The following LTN1 variants were observed in gnomAD, a reference collection of about 807,000 sequenced individuals.
LTN1 encodes the protein listerin E3 ubiquitin protein ligase 1.
A neutral mutation model predicts 201.2 loss-of-function variants in LTN1; 88 were observed. The ratio of observed to expected loss-of-function variants is 0.44; its 90% CI spans 0.37 to 0.52. LTN1 has a LOEUF of 0.52. Among genes scored for constraint, LTN1 ranks in the 20% least tolerant of loss-of-function variants. The pLI, the probability that LTN1 is intolerant of heterozygous loss-of-function variation, is 0.00. For missense variants in LTN1, 1,752 were observed against 2,038.7 expected (o/e 0.86, Z 2.71); for synonymous variants, 645 against 713.5 (o/e 0.90, Z 1.53).
At chr21:28,992,034 T>C (rs1324253266) in intron 1 of LTN1, among the ~76,000 whole-genome samples, 2 of 152,150 alleles carry the variant, frequency 1.3e-5, no homozygotes. Context: ...AATACTTACG[T>C]CCTAGTGAAC....
intron 16 of LTN1, among the ~76,000 whole-genome samples, chr21:28,953,626 A>G (rs2084401440): frequency 2.6e-5 from 4 of 152,236 alleles, no homozygotes; most frequent in Admixed American, 2.6e-4. Flanking sequence ...GAATGTGACA[A>G]GAACCTAAGT....
Position 28,967,159 on chromosome 21 carries a change from T to G in LTN1, c.1332A>C (p.Ala444=), listed in dbSNP as rs768167093. The G allele has an allele frequency of 1.5e-5, 24 of 1,610,600 alleles. No individual in the cohort carries two copies. Among genetic ancestry groups the G allele is most frequent in the Non-Finnish European group, 2.0e-5 (24 of 1,178,954 alleles). ...VNDQLIPFID[A]VLKDPGLQHG... ...GTTGCAATCCTGGGTCTTTGAGAAC[T>G]GCATCAATAAAAGGGATCAACTGAA... The change falls in exon 10 of 30, where the codon GCA becomes GCC. Residue 444 remains alanine (A), a synonymous_variant. Coordinates refer to ENST00000361371, the MANE Select transcript of LTN1 (RefSeq NM_015565.3).
Position 28,986,016 on chromosome 21 carries a change from T to G in LTN1, c.345+123A>C. ...TCAAGTGTTAACAATTCAATCTGCATAACAATGCTGACATAACATTTAATA... is the reference window on the plus strand; with the variant it reads ...TCAAGTGTTAACAATTCAATCTGCAGAACAATGCTGACATAACATTTAATA... On this transcript the variant is annotated intron_variant, in intron 3 of 29. Transcript: ENST00000361371. The surrounding 1 kb of genome is among the most constrained non-coding windows in gnomAD (Gnocchi z 4.1). The G allele has an allele frequency of 1.6e-6, 1 of 633,102 alleles. No individual in the cohort carries two copies. Among genetic ancestry groups the G allele is most frequent in the Non-Finnish European group, 2.8e-6 (1 of 352,338 alleles). 39.2% of individuals were successfully genotyped at this position (633,102 alleles called of 1,614,324 possible).
intron 25 of LTN1, among the ~76,000 whole-genome samples, chr21:28,939,968 A>C (rs1256307070): frequency 6.6e-6 from 1 of 152,246 alleles, no homozygotes; most frequent in African/African-American, 2.4e-5. Context: ...ATACAAATGC[A>C]AAGATGCAAA....
At chr21:28,943,017 T>C (rs1423096282) in intron 24 of LTN1, among the ~76,000 whole-genome samples, 3 of 152,198 alleles carry the variant, frequency 2.0e-5, no homozygotes, top group Non-Finnish European at 2.9e-5. Flanking sequence ...ACAGCCACCA[T>C]ATGGCCAAAG....
At chr21:28,983,303 G>A (rs1413332087) in intron 4 of LTN1, among the ~76,000 whole-genome samples, 1 of 152,224 alleles carries the variant, frequency 6.6e-6, no homozygotes, top group African/African-American at 2.4e-5. Flanking sequence ...TAAAGCCTAT[G>A]AAGAGCCAAA....
At chr21:28,977,667 G>A (rs1164823388) in intron 6 of LTN1, among the ~76,000 whole-genome samples, 3 of 152,212 alleles carry the variant, frequency 2.0e-5, no homozygotes, top group South Asian at 2.1e-4. Flanking sequence ...AGGTTGCAGT[G>A]AGTTGAGATT....
rs761181930 is a variant in LTN1 at position 28,932,555 on chromosome 21, A to G, written c.4985T>C (p.Ile1662Thr). Residue 1662 changes from isoleucine to threonine, a missense_variant, in exon 28 of 30, where the codon ATA (isoleucine) becomes ACA (threonine). Ile to Thr is a moderately conservative substitution (Grantham distance 89). Coordinates refer to ENST00000361371, the MANE Select transcript of LTN1 (RefSeq NM_015565.3). ...LPSNYPLGSIIVESGKRVGVA... is the reference protein window; with the variant it reads ...LPSNYPLGSITVESGKRVGVA... ...TCCTACTCTTTTCCCACTTTCTACT[A>G]TTATTGAACCCAGTGGATAATTTGA... 5 of 1,613,914 alleles carry G rather than the reference A, an allele frequency of 3.1e-6. No homozygotes were observed. In the Admixed American group the frequency reaches 5.0e-5, roughly 16 times the overall value.
Position 28,953,466 on chromosome 21 carries a change from T to G in LTN1, c.3080-90A>C. ...ACTTCTCCACCTTGTTTTCTAACAC[T>G]GTTGTGCCCACTCATCTCAAAACTC... On this transcript the variant is annotated intron_variant, in intron 16 of 29. Coordinates refer to ENST00000361371, the MANE Select transcript of LTN1 (RefSeq NM_015565.3). 7.7e-6 allele frequency: 7 copies of G among 913,276 alleles called. No individual in the cohort carries two copies. The South Asian group carries it at 1.3e-4, about 18-fold the overall frequency. The allele number at this position is 913,276 out of a possible 1,614,324, so 56.6% of individuals were successfully genotyped here.
chr21:28,966,772 A>C lies in LTN1; in HGVS notation c.1719T>G (p.Ser573=). ...IEGWELTTEP[S]LTHNSSGLLS... ...AAAGGCCTGAAGAATTATGAGTGAGAGAAGGTTCAGTTGTTAATTCCCAGC... is the reference window on the plus strand; with the variant it reads ...AAAGGCCTGAAGAATTATGAGTGAGCGAAGGTTCAGTTGTTAATTCCCAGC... The change falls in exon 10 of 30, where the codon TCT becomes TCG. Residue 573 remains serine (S), a synonymous_variant. Transcript: ENST00000361371. 1 of 1,613,954 alleles carries C rather than the reference A, an allele frequency of 6.2e-7. No homozygotes were observed. The highest frequency in any genetic ancestry group is 1.1e-5 in the South Asian group (1 of 91,000).
chr21:28,963,150 A>G (rs1003037956), intron 11 of LTN1, among the ~76,000 whole-genome samples: 1 of 152,252 alleles, frequency 6.6e-6, no homozygotes, highest in Admixed American at 6.5e-5. Context: ...AGATCTAGCT[A>G]AGATCAATAA....
Position 28,930,107 on chromosome 21 carries a change from A to T in LTN1, c.*341T>A, listed in dbSNP as rs8132585. On this transcript the variant is annotated 3_prime_UTR_variant, in exon 30 of 30. Transcript: ENST00000361371. ...ATCAACAAACGGAATGGGTTTATCA[A>T]TAATATAGTTGTGCAATCTTTTCAC... 4,395 of 186,966 alleles carry T rather than the reference A, an allele frequency of 0.024. 211 individuals are homozygous for T. The highest frequency in any genetic ancestry group is 0.097 in the African/African-American group (4,141 of 42,664). The allele number at this position is 186,966 out of a possible 1,614,324, so 11.6% of individuals were successfully genotyped here. A position where few individuals can be genotyped will look rare whatever the true frequency, so the allele number is the denominator to read the frequency against.
At chr21:28,982,877 G>C (rs1312080755) in intron 4 of LTN1, among the ~76,000 whole-genome samples, 1 of 152,210 alleles carries the variant, frequency 6.6e-6, no homozygotes, top group Non-Finnish European at 1.5e-5. Flanking sequence ...TTGAGCTTTT[G>C]CATGTGCCAG....
chr21:28,987,327 T>C (rs959167248), intron 1 of LTN1, among the ~76,000 whole-genome samples: 4 of 152,258 alleles, frequency 2.6e-5, no homozygotes, highest in Admixed American at 1.3e-4. Flanking sequence ...AACTTTCATA[T>C]AAATAGTATG....
At chr21:28,985,698 T>C (rs2084692936) in intron 3 of LTN1, among the ~76,000 whole-genome samples, 1 of 151,450 alleles carries the variant, frequency 6.6e-6, no homozygotes, top group Non-Finnish European at 1.5e-5. Flanking sequence ...CTTGTTCTAT[T>C]GTCCAGGCTG....
Position 28,952,166 on chromosome 21 carries a change from T to C in LTN1, c.3338A>G (p.Lys1113Arg), listed in dbSNP as rs2084387804. The C allele has an allele frequency of 6.3e-7, 1 of 1,580,844 alleles. No homozygotes were observed. ...SDEVKPHYKR[K>R]ESFFPLTEGN... ...ACATTTTAAATAAGAATACCTTTCT[T>C]TTCTCTTATAATGTGGTTTTACTTC... Residue 1113 changes from lysine to arginine, a missense_variant, in exon 18 of 30, where the codon AAA becomes AGA. By Grantham distance (26) the Lys-to-Arg change is conservative. Around this residue, in one of 3 missense-constraint regions of LTN1, gnomAD observed 1,211 missense variants for 1,312.8 expected, o/e 0.92. Coordinates refer to ENST00000361371, the MANE Select transcript of LTN1 (RefSeq NM_015565.3).
Position 28,932,479 on chromosome 21 carries a change from G to A in LTN1, c.5061C>T (p.Leu1687=). The A allele has an allele frequency of 1.2e-6, 2 of 1,612,528 alleles. No individual in the cohort carries two copies. Among genetic ancestry groups the A allele is most frequent in the African/African-American group, 2.7e-5 (2 of 75,004 alleles). Residue 1687 remains leucine (L), a synonymous_variant, in exon 28 of 30, where the codon CTC becomes CTT. Transcript: ENST00000361371. ...RNWMLQLSTY[L]THQNGSIMEG... ...GTAAACAGAAACTTACCTGATGGGT[G>A]AGGTAAGTGCTTAACTGCAGCATCC... is the stretch of plus-strand genomic sequence containing the variant.
chr21:28,992,704 G>A (rs538699433), intron 1 of LTN1, 60 bp downstream of exon 1: 2 of 1,597,436 alleles, frequency 1.3e-6, no homozygotes, highest in African/African-American at 2.7e-5. Context: ...GCAACGCGCT[G>A]GGCGGAGCCA....
rs779243913 is a variant in LTN1 at position 28,969,451 on chromosome 21, T to A, written c.1311+15A>T. 2.5e-6 allele frequency: 4 copies of A among 1,600,274 alleles called. No homozygotes were observed. In the South Asian group the frequency reaches 4.5e-5, roughly 18 times the overall value. On this transcript the variant is annotated intron_variant, in intron 9 of 29. Coordinates refer to ENST00000361371, the MANE Select transcript of LTN1 (RefSeq NM_015565.3). Reference sequence around the variant, plus strand: ...CAGTATGCAAAGAGACTGACGACTTTTACATTATAGATACCTGATCATTGA... The same window carrying A: ...CAGTATGCAAAGAGACTGACGACTTATACATTATAGATACCTGATCATTGA...
Sources: allele counts gnomAD v4.1 joint callset (sites outside exome capture counted in the v4.1 genomes callset), GRCh38; gene constraint gnomAD v4.1.1; regional missense constraint gnomAD v4.1.1; non-coding constraint Gnocchi (gnomAD v3.1); transcripts MANE v1.5; gene names NCBI Gene and HGNC (gene_info 2026-07-23, HGNC 2026-07-21).